The following CHD6 variants were observed in gnomAD, a reference collection of about 807,000 sequenced individuals.
The protein encoded by CHD6 is ATP-dependent chromatin remodeler CHD6.
CHD6 carries 50 observed loss-of-function variants against 276.9 expected under a neutral mutation model. The observed-to-expected ratio is 0.18, with a 90% CI of 0.14 to 0.23. The LOEUF is 0.23. CHD6 is among the 10% of genes least tolerant of loss of function. CHD6 has a pLI of 1.00. For synonymous variants in CHD6, 1,173 were observed against 1,229.3 expected (o/e 0.95, Z 0.96); for missense variants, 2,564 against 3,365.8 (o/e 0.76, Z 5.89).
chr20:41,618,024 G>C (rs1020120841), intron 1 of CHD6, among the ~76,000 whole-genome samples: 6 of 147,152 alleles, frequency 4.1e-5, no homozygotes, highest in Admixed American at 6.7e-5. Flanking sequence ...GCCCCTGCGC[G>C]CGGCCCGCAG....
In CHD6 at chr20:41,473,445, C is replaced by T. The variant is rs2043100955; in HGVS notation, c.2541G>A (p.Lys847=). 6.2e-7 allele frequency: 1 copy of T among 1,614,114 alleles called. No individual in the cohort carries two copies. Among genetic ancestry groups the T allele is most frequent in the Non-Finnish European group, 8.5e-7 (1 of 1,179,992 alleles). The change falls in exon 17 of 37, where the codon AAG becomes AAA. Residue 847 remains lysine (K), a synonymous_variant. Coordinates refer to ENST00000373233, the MANE Select transcript of CHD6 (RefSeq NM_032221.5). This position sits in a 1 kb window ranked among gnomAD's most constrained non-coding sequence, Gnocchi z 4.1. ...GAAAGACAAAGCGGTCTGAATCTGG[C>T]TTACAGAACCGGTCGATGGCTGCCT... The part of the protein sequence containing the change: ...LRQAAIDRFC[K]PDSDRFVFLL...
Position 41,600,182 on chromosome 20 carries a change from C to A in CHD6, c.-24+18158G>T, listed in dbSNP as rs563575091. ...ACTGTATTTATCTTTTATCTGTAAACCCCTGTAGAGTGCCTGTAAATGTGT... is the reference window on the plus strand; with the variant it reads ...ACTGTATTTATCTTTTATCTGTAAAACCCTGTAGAGTGCCTGTAAATGTGT... On this transcript the variant is annotated intron_variant, in intron 1 of 36. Coordinates refer to ENST00000373233, the MANE Select transcript of CHD6 (RefSeq NM_032221.5). Among the ~76,000 whole-genome samples the A allele has an allele frequency of 2.0e-5, 3 of 152,296 alleles. No homozygotes were observed. The South Asian group carries it at 6.2e-4, about 32-fold the overall frequency.
rs969161517 is a variant in CHD6 at position 41,514,786 on chromosome 20, C to T, written c.702+19G>A. 1 of 1,611,804 alleles carries T rather than the reference C, an allele frequency of 6.2e-7. No individual in the cohort carries two copies. Among genetic ancestry groups the T allele is most frequent in the Non-Finnish European group, 8.5e-7 (1 of 1,179,132 alleles). Reference sequence around the variant, plus strand: ...CCAGGAGCCGTAATCTCCACCAGGCCTCCCGGTCACAGCTGTACCTGGCTG... The same window carrying T: ...CCAGGAGCCGTAATCTCCACCAGGCTTCCCGGTCACAGCTGTACCTGGCTG... On this transcript the variant is annotated intron_variant, in intron 4 of 36. Transcript: ENST00000373233.
intron 31 of CHD6, among the ~76,000 whole-genome samples, chr20:41,420,208 C>T (rs1025426257): frequency 6.6e-6 from 1 of 152,218 alleles, no homozygotes; most frequent in Non-Finnish European, 1.5e-5. Context: ...GAAGAACAAA[C>T]TATTTCCCCT....
In CHD6 at chr20:41,488,436, T is replaced by A; in HGVS notation, c.1849A>T (p.Met617Leu). 1 of 1,610,830 alleles carries A rather than the reference T, an allele frequency of 6.2e-7. No individual in the cohort carries two copies. Among genetic ancestry groups the A allele is most frequent in the Non-Finnish European group, 8.5e-7 (1 of 1,178,910 alleles). The change falls in exon 13 of 37, where the codon ATG becomes TTG. Residue 617 changes from methionine to leucine, a missense_variant. By Grantham distance (15) the Met-to-Leu change is conservative. Around this residue, in one of 7 missense-constraint regions of CHD6, gnomAD observed 457 missense variants for 889.0 expected, o/e 0.51. Transcript: ENST00000373233. ...NCKLLEGLKL[M>L]ALEHKVLLTG... The stretch of plus-strand genomic sequence containing the variant: ...GAGATGCTAACTCTCACCAGGGCCA[T>A]AAGCTTTAGACCCTCCAGAAGTTTG...
chr20:41,593,447 C>A (rs1195043105), intron 1 of CHD6, among the ~76,000 whole-genome samples: 1 of 152,178 alleles, frequency 6.6e-6, no homozygotes, highest in Non-Finnish European at 1.5e-5. Flanking sequence ...AGAGATGGCA[C>A]TTTAAAAGCA....
chr20:41,416,322 C>G (rs188940570), intron 33 of CHD6, among the ~76,000 whole-genome samples: 9 of 152,302 alleles, frequency 5.9e-5, no homozygotes, highest in Admixed American at 2.6e-4. Context: ...TATCAGTTTC[C>G]TGCTTGGCCC....
intron 1 of CHD6, among the ~76,000 whole-genome samples, chr20:41,608,738 A>T (rs1227427941): frequency 1.3e-5 from 2 of 152,186 alleles, no homozygotes; most frequent in African/African-American, 4.8e-5. Context: ...CAATCCCGAC[A>T]AGATAGAAAG....
intron 1 of CHD6, among the ~76,000 whole-genome samples, chr20:41,559,364 A>T (rs757255271): frequency 5.9e-5 from 9 of 152,306 alleles, no homozygotes; most frequent in Non-Finnish European, 1.0e-4. Context: ...CTATCTCAAA[A>T]CAGTAACAAC....
At chr20:41,604,880 C>T (rs1568729795) in intron 1 of CHD6, among the ~76,000 whole-genome samples, 1 of 152,024 alleles carries the variant, frequency 6.6e-6, no homozygotes, top group Non-Finnish European at 1.5e-5. Flanking sequence ...CACATGACTA[C>T]GTAATACAAT....
chr20:41,504,030 A>G (rs2145921295), intron 5 of CHD6, among the ~76,000 whole-genome samples: 1 of 127,260 alleles, frequency 7.9e-6, no homozygotes, highest in South Asian at 2.8e-4. Flanking sequence ...GTGAGCTGAG[A>G]TTGCGCCACT....
At chr20:41,535,676 G>C (rs1387208786) in intron 2 of CHD6, among the ~76,000 whole-genome samples, 2 of 151,920 alleles carry the variant, frequency 1.3e-5, no homozygotes, top group African/African-American at 4.8e-5. Context: ...CTGGGCAATA[G>C]AGCAAGACCC....
intron 36 of CHD6, among the ~76,000 whole-genome samples, chr20:41,408,164 A>G (rs1477001289): frequency 6.7e-6 from 1 of 149,666 alleles, no homozygotes; most frequent in Admixed American, 6.7e-5. Context: ...GGTTTGCATC[A>G]CAGAGCTGGA....
intron 2 of CHD6, among the ~76,000 whole-genome samples, chr20:41,546,091 C>G (rs540207121): frequency 5.8e-4 from 88 of 152,202 alleles, no homozygotes; most frequent in Non-Finnish European, 1.2e-3. Context: ...TACTACTGAA[C>G]CTGACCCCAA....
chr20:41,513,044 C>A lies in CHD6; in HGVS notation c.703-49G>T, dbSNP rs1336894231. ...GAGAAGCTCTCTGAGTGAAAGACAACAGCCTACACAAGAATACCCTCATCT... is the reference window on the plus strand; with the variant it reads ...GAGAAGCTCTCTGAGTGAAAGACAAAAGCCTACACAAGAATACCCTCATCT... On this transcript the variant is annotated intron_variant, in intron 4 of 36. Coordinates refer to ENST00000373233, the MANE Select transcript of CHD6 (RefSeq NM_032221.5). 1.9e-6 allele frequency: 3 copies of A among 1,604,308 alleles called. No individual in the cohort carries two copies. The Admixed American group carries it at 5.0e-5, about 27-fold the overall frequency.
At chr20:41,600,695 T>C (rs2045765007) in intron 1 of CHD6, among the ~76,000 whole-genome samples, 1 of 152,154 alleles carries the variant, frequency 6.6e-6, no homozygotes, top group Non-Finnish European at 1.5e-5. Context: ...CTAAATACTT[T>C]CTAAATAACA....
chr20:41,543,676 G>A (rs2146118839), intron 2 of CHD6, among the ~76,000 whole-genome samples: 1 of 152,320 alleles, frequency 6.6e-6, no homozygotes, highest in Non-Finnish European at 1.5e-5. Context: ...GTCCCAAGAT[G>A]AGGGTCATTT....
At chr20:41,570,739 G>A (rs2045407680) in intron 1 of CHD6, among the ~76,000 whole-genome samples, 1 of 152,230 alleles carries the variant, frequency 6.6e-6, no homozygotes, top group African/African-American at 2.4e-5. Flanking sequence ...GTCCACAAAA[G>A]TGGAATTAGA....
intron 1 of CHD6, among the ~76,000 whole-genome samples, chr20:41,617,954 G>C (rs1173785784): frequency 6.8e-6 from 1 of 146,550 alleles, no homozygotes; most frequent in Non-Finnish European, 1.5e-5. Flanking sequence ...CCCCGGGGGG[G>C]GCCTCGGCAC....
Sources: gnomAD v4.1 joint callset for allele counts (sites outside exome capture counted in the v4.1 genomes callset) on GRCh38, gnomAD v4.1.1 for gene constraint, gnomAD v4.1.1 regional missense constraint, Gnocchi (gnomAD v3.1) non-coding constraint, MANE v1.5 for transcripts, NCBI Gene and HGNC (gene_info 2026-07-23, HGNC 2026-07-21) for gene names.